Variants in IQCM observed in about 807,000 individuals in gnomAD.
IQCM encodes IQ domain-containing protein M.
A neutral mutation model predicts 57.6 loss-of-function variants in IQCM; 45 were observed. The observed-to-expected ratio is 0.78, with a 90% CI of 0.62 to 1.00. The LOEUF (loss-of-function observed/expected upper bound fraction) is 1.00, where lower values mean the gene tolerates loss of function less well. IQCM is among the 50% of genes least tolerant of loss of function. The pLI is 0.00. For missense variants in IQCM, 468 were observed against 511.6 expected (o/e 0.91, Z 0.82); for synonymous variants, 148 against 158.9 (o/e 0.93, Z 0.51).
chr4:149,797,995 G>A (rs1458490800), intron 2 of IQCM, among the ~76,000 whole-genome samples: 2 of 151,330 alleles, frequency 1.3e-5, no homozygotes, highest in African/African-American at 2.4e-5. Flanking sequence ...ATCATCTAAA[G>A]GTACAAAACT....
chr4:149,765,912 C>T (rs1770000952), intron 2 of IQCM, among the ~76,000 whole-genome samples: 1 of 151,964 alleles, frequency 6.6e-6, no homozygotes, highest in Admixed American at 6.6e-5. Flanking sequence ...CTGACTCGCA[C>T]CCAAGAAATT....
At chr4:149,805,702 A>G (rs1485495295) in intron 2 of IQCM, among the ~76,000 whole-genome samples, 1 of 152,068 alleles carries the variant, frequency 6.6e-6, no homozygotes, top group Non-Finnish European at 1.5e-5. Context: ...AGAATTTGCA[A>G]ATGGTTAAAT....
At chr4:149,561,317 G>A (rs1750101717) in intron 10 of IQCM, among the ~76,000 whole-genome samples, 1 of 151,932 alleles carries the variant, frequency 6.6e-6, no homozygotes, top group African/African-American at 2.4e-5. Context: ...TGTGCCAGAG[G>A]TTATGAATGA....
intron 2 of IQCM, among the ~76,000 whole-genome samples, chr4:149,805,117 T>C (rs1262872995): frequency 6.6e-6 from 1 of 152,060 alleles, no homozygotes; most frequent in African/African-American, 2.4e-5. Context: ...GTAAGAAATA[T>C]GAGAAATTAT....
At position 149,410,999 on chromosome 4, in the gene IQCM, ATCT is replaced by A. The variant is rs538947541; in HGVS notation, c.1390+22394_1390+22396del. Among the ~76,000 whole-genome samples, 24 of 152,222 alleles carry A rather than the reference ATCT, an allele frequency of 1.6e-4. No homozygotes were observed. In the South Asian group the frequency reaches 4.1e-3, roughly 26 times the overall value. On this transcript the variant is annotated intron_variant, in intron 13 of 13. Transcript: ENST00000636793. ...AAAAGAAAAAGAAATAAAATTAATA[ATCT>A]TCTTGTGTTTCTAAAAGCTAAGAGT...
chr4:149,421,632 T>C (rs78329171), intron 13 of IQCM, among the ~76,000 whole-genome samples: 2,690 of 152,134 alleles, frequency 0.018, 83 homozygotes, highest in African/African-American at 0.062. Context: ...CATTTTTTTT[T>C]GTATTCATCA....
chr4:149,512,058 C>A (rs1744480693), intron 12 of IQCM, among the ~76,000 whole-genome samples: 1 of 152,074 alleles, frequency 6.6e-6, no homozygotes. Flanking sequence ...TCATGTACTG[C>A]AAAAAATCAT....
chr4:149,629,056 G>T (rs1197419293), intron 7 of IQCM, among the ~76,000 whole-genome samples: 1 of 152,110 alleles, frequency 6.6e-6, no homozygotes, highest in Non-Finnish European at 1.5e-5. Flanking sequence ...ATCAATAAAA[G>T]AATTTAGAAA....
At chr4:149,352,718 A>G (rs1728663753) in intron 13 of IQCM, among the ~76,000 whole-genome samples, 1 of 152,212 alleles carries the variant, frequency 6.6e-6, no homozygotes, top group East Asian at 1.9e-4. Flanking sequence ...GACTTTTTTT[A>G]CATTAAAGTG....
At chr4:149,400,213 T>G (rs546178584) in intron 13 of IQCM, among the ~76,000 whole-genome samples, 1 of 152,128 alleles carries the variant, frequency 6.6e-6, no homozygotes, top group East Asian at 1.9e-4. Context: ...GTTTTTTTTT[T>G]TTGTTTGGGT....
At chr4:149,712,452 T>C (rs1764644213) in intron 5 of IQCM, among the ~76,000 whole-genome samples, 1 of 152,130 alleles carries the variant, frequency 6.6e-6, no homozygotes, top group Non-Finnish European at 1.5e-5. Context: ...ATAGATCAGT[T>C]TGAAAAACCA....
intron 5 of IQCM, among the ~76,000 whole-genome samples, chr4:149,728,760 G>A (rs1766191853): frequency 6.6e-6 from 1 of 152,142 alleles, no homozygotes; most frequent in African/African-American, 2.4e-5. Flanking sequence ...CTCTGCTACA[G>A]TCTGTTCTTT....
chr4:149,435,616 C>G (rs966941746), intron 12 of IQCM, among the ~76,000 whole-genome samples: 3 of 150,740 alleles, frequency 2.0e-5, no homozygotes, highest in East Asian at 1.9e-4. Context: ...ATGTCCTTCA[C>G]GAGCTATTCC....
At chr4:149,681,754 C>T (rs1184870238) in intron 7 of IQCM, among the ~76,000 whole-genome samples, 1 of 150,936 alleles carries the variant, frequency 6.6e-6, no homozygotes, top group African/African-American at 2.4e-5. Flanking sequence ...GAGAGTTCCT[C>T]GATCACATTT....
intron 7 of IQCM, among the ~76,000 whole-genome samples, chr4:149,647,809 T>C (rs930231865): frequency 6.6e-6 from 1 of 152,192 alleles, no homozygotes; most frequent in Non-Finnish European, 1.5e-5. Context: ...TTCTGAGCCA[T>C]TGTCCCTACA....
intron 8 of IQCM, among the ~76,000 whole-genome samples, chr4:149,589,751 C>A (rs1752959413): frequency 6.6e-6 from 1 of 151,868 alleles, no homozygotes; most frequent in Non-Finnish European, 1.5e-5. Flanking sequence ...TCAAAGTAAA[C>A]AATAATCCTC....
At chr4:149,369,455 A>T (rs1483899491) in intron 13 of IQCM, among the ~76,000 whole-genome samples, 2 of 152,176 alleles carry the variant, frequency 1.3e-5, no homozygotes, top group Admixed American at 6.6e-5. Flanking sequence ...AACCTAAAAA[A>T]AATGTGTACA....
At chr4:149,734,670 C>T (rs961373555) in intron 4 of IQCM, among the ~76,000 whole-genome samples, 2 of 152,094 alleles carry the variant, frequency 1.3e-5, no homozygotes, top group Admixed American at 6.6e-5. Context: ...GTTACCCTCC[C>T]CTCACCTGTC....
At chr4:149,628,534 A>G (rs1757000403) in intron 7 of IQCM, among the ~76,000 whole-genome samples, 1 of 152,136 alleles carries the variant, frequency 6.6e-6, no homozygotes, top group South Asian at 2.1e-4. Flanking sequence ...ATAAGAGAGA[A>G]GATTATAGAT....
Sources: gnomAD v4.1 joint callset for allele counts (sites outside exome capture counted in the v4.1 genomes callset) on GRCh38, gnomAD v4.1.1 for gene constraint, MANE v1.5 for transcripts, NCBI Gene and HGNC (gene_info 2026-07-23, HGNC 2026-07-21) for gene names.